The following CACNA1G variants were observed in gnomAD, a reference collection of about 807,000 sequenced individuals.
CACNA1G encodes voltage-dependent T-type calcium channel subunit alpha-1G.
In CACNA1G, 67 loss-of-function variants were observed where a neutral mutation model predicts 219.4. The observed-to-expected ratio is 0.31, with a 90% CI of 0.25 to 0.37. The LOEUF (loss-of-function observed/expected upper bound fraction) is 0.37, where lower values mean the gene tolerates loss of function less well. Among genes scored for constraint, CACNA1G ranks in the 10% least tolerant of loss-of-function variants. The pLI is 1.00. For missense variants in CACNA1G, 2,380 were observed against 3,231.4 expected (o/e 0.74, Z 6.39); for synonymous variants, 1,296 against 1,345.3 (o/e 0.96, Z 0.80).
chr17:50,568,398 A>G (rs1227880542), intron 1 of CACNA1G, among the ~76,000 whole-genome samples: 4 of 152,190 alleles, frequency 2.6e-5, no homozygotes, highest in Non-Finnish European at 2.9e-5. Flanking sequence ...GTGAGCATCA[A>G]CTGTGGCATT....
In CACNA1G at chr17:50,602,901, G is replaced by A. The variant is rs2047045642; in HGVS notation, c.3984+13G>A. ...AATGACAGTGAAGGTGATGGGGGCT[G>A]GTGTTGGCTTGGGACCTCTGGTTCC... On this transcript the variant is annotated intron_variant, in intron 20 of 37. Coordinates refer to ENST00000359106, the MANE Select transcript of CACNA1G (RefSeq NM_018896.5). The A allele has an allele frequency of 1.9e-6, 3 of 1,613,624 alleles. No individual in the cohort carries two copies. The highest frequency in any genetic ancestry group is 1.3e-5 in the African/African-American group (1 of 74,866).
chr17:50,615,290 G>T, intron 26 of CACNA1G, 71 bp from the exon 27 acceptor site: 1 of 1,382,094 alleles, frequency 7.2e-7, no homozygotes, highest in Non-Finnish European at 9.5e-7. Flanking sequence ...GTGGCTGTGA[G>T]GGACTGGGGG....
chr17:50,624,178 G>C (rs771654997), intron 36 of CACNA1G, 103 bp downstream of exon 36: 12 of 1,435,792 alleles, frequency 8.4e-6, no homozygotes, highest in Non-Finnish European at 1.1e-5. Context: ...CAGCCAAAGA[G>C]GTATCTCTGA....
At position 50,569,149 on chromosome 17, in the gene CACNA1G, C is replaced by T; in HGVS notation, c.355-16C>T. The T allele has an allele frequency of 6.2e-7, 1 of 1,612,278 alleles. No homozygotes were observed. The highest frequency in any genetic ancestry group is 8.5e-7 in the Non-Finnish European group (1 of 1,178,774). The stretch of plus-strand genomic sequence containing the variant: ...ACCCACGTCTCAGTTTCAGCCACCT[C>T]TTGTCCCCACATCAGGCCTTTGATG... On this transcript the variant is annotated splice_polypyrimidine_tract_variant and intron_variant, in intron 2 of 37. Transcript: ENST00000359106.
At chr17:50,598,216 A>G (rs2045950403) in intron 16 of CACNA1G, among the ~76,000 whole-genome samples, 1 of 152,158 alleles carries the variant, frequency 6.6e-6, no homozygotes, top group Non-Finnish European at 1.5e-5. Flanking sequence ...TTTAGTAGAG[A>G]TGAGGTTTCA....
intron 9 of CACNA1G, among the ~76,000 whole-genome samples, chr17:50,586,060 T>C (rs564409383): frequency 6.6e-6 from 1 of 152,278 alleles, no homozygotes; most frequent in Admixed American, 6.5e-5. Context: ...ATGCCCTCTC[T>C]GCAAGAGGCA....
chr17:50,614,976 C>T (rs2050142635), intron 26 of CACNA1G, among the ~76,000 whole-genome samples: 1 of 152,250 alleles, frequency 6.6e-6, no homozygotes. Flanking sequence ...ATGGCGCGTC[C>T]TCTGAGCCTG....
intron 7 of CACNA1G, among the ~76,000 whole-genome samples, chr17:50,574,127 T>A (rs934221584): frequency 1.3e-5 from 2 of 152,116 alleles, no homozygotes; most frequent in African/African-American, 4.8e-5. Context: ...TAAATGAGAA[T>A]TCAGCGCCCC....
At chr17:50,602,726 G>A (rs960996492) in intron 19 of CACNA1G, 94 bp from the exon 20 acceptor site, 42 of 1,081,950 alleles carry the variant, frequency 3.9e-5, no homozygotes, top group Non-Finnish European at 5.7e-5. Context: ...TGAGTCAAAT[G>A]TTAGAAGCAG....
chr17:50,582,363 G>A (rs565680989), intron 9 of CACNA1G, among the ~76,000 whole-genome samples: 1 of 152,204 alleles, frequency 6.6e-6, no homozygotes, highest in Non-Finnish European at 1.5e-5. Context: ...TGGAAATGGA[G>A]AGCAGAGGGC....
At chr17:50,583,064 A>T (rs935565145) in intron 9 of CACNA1G, among the ~76,000 whole-genome samples, 1 of 152,112 alleles carries the variant, frequency 6.6e-6, no homozygotes, top group Non-Finnish European at 1.5e-5. Context: ...ACTCCTTTTC[A>T]GTTCTGCTGA....
Position 50,617,772 on chromosome 17 carries a change from G to A in CACNA1G, c.5156-87G>A, listed in dbSNP as rs2050886298. 1.3e-6 allele frequency: 2 copies of A among 1,508,442 alleles called. No individual in the cohort carries two copies. Among genetic ancestry groups the A allele is most frequent in the African/African-American group, 2.7e-5 (2 of 72,970 alleles). The allele number at this position is 1,508,442 out of a possible 1,614,324, so 93.4% of individuals were successfully genotyped here. On this transcript the variant is annotated intron_variant, in intron 29 of 37. Transcript: ENST00000359106. The surrounding 1 kb of genome is among the most constrained non-coding windows in gnomAD (Gnocchi z 5.8). ...TGGCCCGGAGATGGCCATCCCAGCA[G>A]CCCCAGCCCAGCCCTGGTCCTGACT...
chr17:50,572,419 G>A (rs1023393066), intron 5 of CACNA1G, 135 bp from the exon 6 acceptor site: 4 of 734,910 alleles, frequency 5.4e-6, no homozygotes, highest in African/African-American at 5.3e-5. Flanking sequence ...GCCCTGCCCA[G>A]TCCCTTCCCC....
chr17:50,579,959 C>T (rs1568015415), intron 9 of CACNA1G, among the ~76,000 whole-genome samples: 1 of 152,144 alleles, frequency 6.6e-6, no homozygotes, highest in Admixed American at 6.5e-5. Context: ...CCCCACACCA[C>T]TGACCTCTGC....
At chr17:50,574,835 A>G (rs1355740222) in intron 7 of CACNA1G, among the ~76,000 whole-genome samples, 3 of 152,060 alleles carry the variant, frequency 2.0e-5, no homozygotes, top group Non-Finnish European at 4.4e-5. Context: ...GGGGAAACTG[A>G]GGCGTGGAGA....
At chr17:50,609,966 G>T (rs764293328) in intron 26 of CACNA1G, 31 bp downstream of exon 26, 6 of 1,593,958 alleles carry the variant, frequency 3.8e-6, no homozygotes, top group Middle Eastern at 3.3e-4. Flanking sequence ...GCTCATGCGT[G>T]TGGGGACATG....
In CACNA1G at chr17:50,615,479, C is replaced by T. The variant is rs1206211250; in HGVS notation, c.4878C>T (p.Val1626=). The change falls in exon 27 of 38, where the codon GTC becomes GTT. Residue 1626 remains valine, a synonymous_variant. Coordinates refer to ENST00000359106, the MANE Select transcript of CACNA1G (RefSeq NM_018896.5). ...FITGVIGLNV[V]TMAMEHYQQP... Reference sequence around the variant, plus strand: ...CAGGTGTCATCGGGCTGAACGTGGTCACCATGGCCATGGAGCACTACCAGC... The same window carrying T: ...CAGGTGTCATCGGGCTGAACGTGGTTACCATGGCCATGGAGCACTACCAGC... 3 of 1,613,506 alleles carry T rather than the reference C, an allele frequency of 1.9e-6. No individual in the cohort carries two copies. The highest frequency in any genetic ancestry group is 4.5e-5 in the East Asian group (2 of 44,876).
intron 9 of CACNA1G, among the ~76,000 whole-genome samples, chr17:50,584,993 G>A (rs1020891053): frequency 6.6e-6 from 1 of 152,140 alleles, no homozygotes; most frequent in African/African-American, 2.4e-5. Flanking sequence ...AGAGGAGGAG[G>A]GCAAGGGCAC....
At chr17:50,599,939 G>A in intron 17 of CACNA1G, 80 bp downstream of exon 17, 1 of 1,382,282 alleles carries the variant, frequency 7.2e-7, no homozygotes, top group Non-Finnish European at 9.8e-7. Context: ...CAGGGTATAA[G>A]GGAGTTACCA....
Sources: gnomAD v4.1 joint callset for allele counts (sites outside exome capture counted in the v4.1 genomes callset) on GRCh38, gnomAD v4.1.1 for gene constraint, Gnocchi (gnomAD v3.1) non-coding constraint, MANE v1.5 for transcripts, NCBI Gene and HGNC (gene_info 2026-07-23, HGNC 2026-07-21) for gene names.